WWOX: variants seen among roughly 807,000 people sequenced by gnomAD.
WWOX encodes the protein WW domain containing oxidoreductase.
WWOX carries 69 observed loss-of-function variants against 46.2 expected under a neutral mutation model. The observed-to-expected ratio is 1.49, with a 90% CI of 1.23 to 1.82. WWOX has a LOEUF of 1.82. Ranked by LOEUF, WWOX falls within the 40% of genes most tolerant of loss-of-function variation. The probability of loss-of-function intolerance (pLI) is 0.00; values close to 1 mark genes in which losing one functional copy is unlikely to be tolerated. For synonymous variants in WWOX, 359 were observed against 202.6 expected (o/e 1.77, Z -6.56); for missense variants, 919 against 542.6 (o/e 1.69, Z -6.89).
intron 8 of WWOX, among the ~76,000 whole-genome samples, chr16:79,056,573 C>G (rs902152767): frequency 1.3e-5 from 2 of 152,152 alleles, no homozygotes; most frequent in African/African-American, 4.8e-5. Flanking sequence ...GGGATCTGCC[C>G]TGTGCATTGT....
At chr16:78,962,952 G>A (rs2046299127) in intron 8 of WWOX, among the ~76,000 whole-genome samples, 1 of 152,198 alleles carries the variant, frequency 6.6e-6, no homozygotes, top group Non-Finnish European at 1.5e-5. Flanking sequence ...ATTTGCCCAC[G>A]ATATTTCATT....
intron 8 of WWOX, among the ~76,000 whole-genome samples, chr16:79,129,875 G>A (rs1208133942): frequency 2.0e-5 from 3 of 152,212 alleles, no homozygotes; most frequent in East Asian, 3.9e-4. Flanking sequence ...GCAGGGGTCA[G>A]GCTCCCTGGA....
At chr16:78,499,534 G>A (rs1310002583) in intron 8 of WWOX, among the ~76,000 whole-genome samples, 2 of 152,230 alleles carry the variant, frequency 1.3e-5, no homozygotes, top group African/African-American at 4.8e-5. Context: ...CTCATCAGCT[G>A]TCTCCTTGAG....
At chr16:78,142,706 C>T (rs1412413049) in intron 4 of WWOX, among the ~76,000 whole-genome samples, 1 of 152,210 alleles carries the variant, frequency 6.6e-6, no homozygotes, top group Admixed American at 6.5e-5. Flanking sequence ...ATGCTCTTGA[C>T]TGTAATGGAG....
At chr16:78,817,533 A>T (rs182474929) in intron 8 of WWOX, among the ~76,000 whole-genome samples, 1 of 152,194 alleles carries the variant, frequency 6.6e-6, no homozygotes, top group South Asian at 2.1e-4. Flanking sequence ...CTTTGCTTCA[A>T]ATTTGCCAAT....
intron 8 of WWOX, among the ~76,000 whole-genome samples, chr16:78,623,596 C>G (rs968894019): frequency 3.9e-5 from 6 of 152,118 alleles, no homozygotes; most frequent in South Asian, 2.1e-4. Flanking sequence ...ATGAGAATCA[C>G]TTGAACCCGA....
At chr16:78,125,452 A>G (rs887244121) in intron 4 of WWOX, among the ~76,000 whole-genome samples, 2 of 152,078 alleles carry the variant, frequency 1.3e-5, no homozygotes, top group African/African-American at 4.8e-5. Context: ...GAATCAACCA[A>G]TTTATTTAAA....
At chr16:78,386,651 G>T (rs1384332892) in intron 5 of WWOX, among the ~76,000 whole-genome samples, 3 of 75,142 alleles carry the variant, frequency 4.0e-5, no homozygotes, top group African/African-American at 1.7e-4. Flanking sequence ...CCAGCCTGTA[G>T]GTTTAGCAGA....
chr16:78,628,206 C>G (rs2046352467), intron 8 of WWOX, among the ~76,000 whole-genome samples: 2 of 152,276 alleles, frequency 1.3e-5, no homozygotes, highest in Middle Eastern at 3.4e-3. Flanking sequence ...CTGAGTGATG[C>G]TACCTTGAGT....
intron 5 of WWOX, among the ~76,000 whole-genome samples, chr16:78,171,004 A>G (rs1806728559): frequency 1.3e-5 from 2 of 152,178 alleles, no homozygotes; most frequent in South Asian, 4.1e-4. Flanking sequence ...TGTGGGAGTG[A>G]AGGGATAGGG....
intron 8 of WWOX, among the ~76,000 whole-genome samples, chr16:78,560,457 A>G (rs983677849): frequency 6.6e-6 from 1 of 152,290 alleles, no homozygotes; most frequent in East Asian, 1.9e-4. Context: ...AGCCTGGCCA[A>G]CATGGTGAAA....
At chr16:78,335,231 A>G (rs35199366) in intron 5 of WWOX, among the ~76,000 whole-genome samples, 8,793 of 152,210 alleles carry the variant, frequency 0.058, 417 homozygotes, top group Non-Finnish European at 0.079. Context: ...TCAACTTATC[A>G]CCTGGATATG....
At chr16:78,556,606 A>G (rs2151551099) in intron 8 of WWOX, among the ~76,000 whole-genome samples, 1 of 152,214 alleles carries the variant, frequency 6.6e-6, no homozygotes, top group Non-Finnish European at 1.5e-5. Context: ...GCCCACCACG[A>G]CTGCTGTCTG....
chr16:78,840,472 T>G (rs1567596734), intron 8 of WWOX, among the ~76,000 whole-genome samples: 1 of 152,226 alleles, frequency 6.6e-6, no homozygotes, highest in African/African-American at 2.4e-5. Flanking sequence ...TGGCATGGCA[T>G]GATCCCACTA....
chr16:78,871,173 G>GTTTT (rs34322186), intron 8 of WWOX, among the ~76,000 whole-genome samples: 2 of 133,758 alleles, frequency 1.5e-5, no homozygotes, highest in Non-Finnish European at 1.6e-5. Context: ...CGTGAAGGTT[G>GTTTT]TTTTTTTTTT....
rs568604612 is a variant in WWOX at position 78,992,605 on chromosome 16, C to T, written c.1057-219003C>T. 7.5e-4 allele frequency among the ~76,000 whole-genome samples: 114 copies of T among 152,268 alleles called. 1 individual carries two copies. Among genetic ancestry groups the T allele is most frequent in the Middle Eastern group, 3.4e-3 (1 of 294 alleles). ...CTCTCTCAGAATGAAAGGTTTGATT[C>T]GTACCAGCTCCCCATCCCTTCCCAT... On this transcript the variant is annotated intron_variant, in intron 8 of 8. Transcript: ENST00000566780.
At chr16:79,043,707 G>T (rs2048014383) in intron 8 of WWOX, among the ~76,000 whole-genome samples, 1 of 152,198 alleles carries the variant, frequency 6.6e-6, no homozygotes, top group African/African-American at 2.4e-5. Flanking sequence ...ACTGGGCAGA[G>T]GAAGATTCAT....
intron 8 of WWOX, among the ~76,000 whole-genome samples, chr16:78,619,188 T>A (rs1486962114): frequency 0.045 from 1,077 of 23,920 alleles, 349 homozygotes; most frequent in African/African-American, 0.091. Context: ...TATATATATA[T>A]ATATATATAT....
intron 4 of WWOX, among the ~76,000 whole-genome samples, chr16:78,119,715 C>G (rs979417119): frequency 2.4e-4 from 36 of 151,880 alleles, no homozygotes; most frequent in African/African-American, 7.7e-4. Flanking sequence ...ATCCTCCCAC[C>G]TTAGCCTCCC....
Sources: gnomAD v4.1 joint callset for allele counts (sites outside exome capture counted in the v4.1 genomes callset) on GRCh38, gnomAD v4.1.1 for gene constraint, MANE v1.5 for transcripts, NCBI Gene and HGNC (gene_info 2026-07-23, HGNC 2026-07-21) for gene names.